The following AZIN2 variants were observed in gnomAD, a reference collection of about 807,000 sequenced individuals.
AZIN2 encodes antizyme inhibitor 2, also known as ODC antizyme inhibitor-2.
In AZIN2, 28 loss-of-function variants were observed where a neutral mutation model predicts 47.8. The ratio of observed to expected loss-of-function variants is 0.59; its 90% CI spans 0.43 to 0.80. The LOEUF is 0.80. Among genes scored for constraint, AZIN2 ranks in the 30% least tolerant of loss-of-function variants. The pLI, the probability that AZIN2 is intolerant of heterozygous loss-of-function variation, is 0.00. For missense variants in AZIN2, 535 were observed against 582.5 expected, an observed-to-expected ratio of 0.92 and a Z score of 0.84; for synonymous variants, 221 against 239.4, an observed-to-expected ratio of 0.92 and a Z score of 0.71.
the AZIN2 span, among the ~76,000 whole-genome samples, chr1:33,161,939 A>G: frequency 1.3e-5 from 2 of 151,942 alleles, no homozygotes; most frequent in African/African-American, 4.8e-5. The surrounding 1 kb of genome is among the most constrained non-coding windows in gnomAD (Gnocchi z 4.3). Context: ...ACCTGCCCCC[A>G]TTTTCAACTT....
chr1:33,158,255 G>A, the AZIN2 span: 1 of 1,613,598 alleles, frequency 6.2e-7, no homozygotes, highest in Non-Finnish European at 8.5e-7. Flanking sequence ...TGCCTTACCT[G>A]GGTGGATGTC....
the AZIN2 span, among the ~76,000 whole-genome samples, chr1:33,133,229 G>C: frequency 4.3e-3 from 661 of 152,380 alleles, 7 homozygotes; most frequent in African/African-American, 0.015. Flanking sequence ...CGGAGGCTGT[G>C]AGGCCAAAGA....
At chr1:33,149,075 C>A in the AZIN2 span, among the ~76,000 whole-genome samples, 1 of 152,224 alleles carries the variant, frequency 6.6e-6, no homozygotes, top group Non-Finnish European at 1.5e-5. Flanking sequence ...ATTCAAAAGG[C>A]CCACCCTTTG....
chr1:33,147,701 C>G, the AZIN2 span: 1 of 1,612,914 alleles, frequency 6.2e-7, no homozygotes, highest in East Asian at 2.2e-5. This position sits in a 1 kb window ranked among gnomAD's most constrained non-coding sequence, Gnocchi z 8.1. Flanking sequence ...TGGGCTGTGC[C>G]CGGGTCCAGG....
At chr1:33,158,983 G>C in the AZIN2 span, among the ~76,000 whole-genome samples, 12 of 152,188 alleles carry the variant, frequency 7.9e-5, no homozygotes, top group Non-Finnish European at 1.5e-4. Context: ...TGGGACTACA[G>C]GTGCCTGCCA....
At chr1:33,127,614 C>A (rs902850068), downstream of AZIN2, among the ~76,000 whole-genome samples, 1 of 152,178 alleles carries the variant, frequency 6.6e-6, no homozygotes, top group Admixed American at 6.5e-5. Context: ...GGCTTATTTG[C>A]GCATCAGCTA....
chr1:33,109,560 C>T (rs12031494), intron 10 of AZIN2, among the ~76,000 whole-genome samples: 31,145 of 151,928 alleles, frequency 0.2, 3,922 homozygotes, highest in South Asian at 0.31. Context: ...AACTCCTGGC[C>T]TCAAGTGATC....
chr1:33,158,231 AC>A, the AZIN2 span: 1 of 1,605,316 alleles, frequency 6.2e-7, no homozygotes, highest in Non-Finnish European at 8.5e-7. Flanking sequence ...CTAGCTCTGG[AC>A]CATGATAACC....
In AZIN2 at chr1:33,082,515, C is replaced by T. The variant is rs962487609; in HGVS notation, c.105+161C>T. The T allele has an allele frequency of 2.4e-5, 14 of 576,386 alleles. No homozygotes were observed. The East Asian group carries it at 4.5e-4, about 19-fold the overall frequency. 35.7% of individuals were successfully genotyped at this position (576,386 alleles called of 1,614,324 possible). ...CTCAATTTATCCCCAATTCTTTGTC[C>T]TTGCCCCCAAACCTGCCCCTCCTAT... On this transcript the variant is annotated intron_variant, in intron 4 of 11. Coordinates refer to ENST00000294517, the MANE Select transcript of AZIN2 (RefSeq NM_052998.4).
chr1:33,166,611 C>T, the AZIN2 span, among the ~76,000 whole-genome samples: 2 of 151,992 alleles, frequency 1.3e-5, no homozygotes, highest in African/African-American at 4.8e-5. Flanking sequence ...AGAAACTGGC[C>T]CCATAGCATA....
chr1:33,090,512 T>A lies in AZIN2; in HGVS notation c.280-1538T>A, dbSNP rs185960210. Among the ~76,000 whole-genome samples, 27 of 152,286 alleles carry A rather than the reference T, an allele frequency of 1.8e-4. No homozygotes were observed. In the East Asian group the frequency reaches 4.6e-3, roughly 26 times the overall value. On this transcript the variant is annotated intron_variant, in intron 5 of 11. Transcript: ENST00000294517. Reference sequence around the variant, plus strand: ...AGAGTAGGCCTTTGGAGTGGGGTGATCTCTGTCCAAAAGATCCTTGGTCTG... The same window carrying A: ...AGAGTAGGCCTTTGGAGTGGGGTGAACTCTGTCCAAAAGATCCTTGGTCTG...
rs1420591924 is a variant in AZIN2, at chr1:33,081,270, C to T, written c.-430C>T. The T allele has an allele frequency of 6.5e-6, 1 of 152,886 alleles. No individual in the cohort carries two copies. Among genetic ancestry groups the T allele is most frequent in the African/African-American group, 2.4e-5 (1 of 41,460 alleles). 9.5% of individuals were successfully genotyped at this position (152,886 alleles called of 1,614,324 possible). On this transcript the variant is annotated 5_prime_UTR_variant, in exon 1 of 12. It introduces an in-frame stop codon into an upstream open reading frame of the 5' UTR. Transcript: ENST00000294517. The surrounding 1 kb of genome is among the most constrained non-coding windows in gnomAD (Gnocchi z 4.2). Reference sequence around the variant, plus strand: ...TCACTCCCTGGGGAGACCTATGGGCCGAAGCCGTGTAAATGCGTTTTAAGG... The same window carrying T: ...TCACTCCCTGGGGAGACCTATGGGCTGAAGCCGTGTAAATGCGTTTTAAGG...
At chr1:33,108,274 A>G (rs1230645440) in intron 10 of AZIN2, among the ~76,000 whole-genome samples, 1 of 152,192 alleles carries the variant, frequency 6.6e-6, no homozygotes, top group Non-Finnish European at 1.5e-5. Context: ...AGATATCCAC[A>G]TATAGAAGAA....
chr1:33,094,796 G>C, intron 8 of AZIN2, 83 bp downstream of exon 8: 1 of 1,474,932 alleles, frequency 6.8e-7, no homozygotes, highest in Non-Finnish European at 9.4e-7. Flanking sequence ...GGAGACCACC[G>C]TGCGTGGGTC....
the AZIN2 span, among the ~76,000 whole-genome samples, chr1:33,166,482 G>C: frequency 5.3e-5 from 8 of 152,202 alleles, no homozygotes; most frequent in African/African-American, 1.9e-4. Flanking sequence ...GGCTACAGTG[G>C]GCTGGGCACA....
the AZIN2 span, among the ~76,000 whole-genome samples, chr1:33,136,126 C>CTTCCTTCCTTG: frequency 7.7e-6 from 1 of 129,484 alleles, no homozygotes; most frequent in African/African-American, 3.0e-5. Flanking sequence ...TTCCTTCCTT[C>CTTCCTTCCTTG]CTTCCTTCCT....
the AZIN2 span, chr1:33,160,084 C>CTTTTGCATGTG: frequency 9.2e-7 from 1 of 1,089,314 alleles, no homozygotes; most frequent in Non-Finnish European, 1.3e-6. Flanking sequence ...ATGTCACATG[C>CTTTTGCATGTG]AAAAGCATGG....
At chr1:33,098,438 C>T (rs1239347826) in intron 10 of AZIN2, among the ~76,000 whole-genome samples, 1 of 152,150 alleles carries the variant, frequency 6.6e-6, no homozygotes, top group Non-Finnish European at 1.5e-5. Flanking sequence ...GGGTGTAGCT[C>T]TTTCCATGCC....
chr1:33,102,144 T>C (rs1452435836), intron 10 of AZIN2, among the ~76,000 whole-genome samples: 1 of 150,508 alleles, frequency 6.6e-6, no homozygotes, highest in African/African-American at 2.5e-5. Flanking sequence ...ACTCGGTGGC[T>C]CTGCATTTTC....
Sources: allele counts gnomAD v4.1 joint callset (sites outside exome capture counted in the v4.1 genomes callset), GRCh38; gene constraint gnomAD v4.1.1; non-coding constraint Gnocchi (gnomAD v3.1); transcripts MANE v1.5; gene names NCBI Gene and HGNC (gene_info 2026-07-23, HGNC 2026-07-21).